Variants in CDH20 observed in about 807,000 individuals in gnomAD.
CDH20 encodes the protein cadherin 20.
CDH20 carries 29 observed loss-of-function variants against 74.2 expected under a neutral mutation model. That is an observed-to-expected ratio of 0.39 (90% confidence interval 0.29 to 0.53). The LOEUF (loss-of-function observed/expected upper bound fraction) is 0.53. CDH20 is among the 20% of genes least tolerant of loss of function. CDH20 has a pLI of 0.69. For missense variants in CDH20, 988 were observed against 1,048.3 expected, an observed-to-expected ratio of 0.94 and a Z score of 0.79; for synonymous variants, 469 against 405.4, an observed-to-expected ratio of 1.16 and a Z score of -1.88.
intron 1 of CDH20, among the ~76,000 whole-genome samples, chr18:61,350,686 C>T (rs1198668221): frequency 6.6e-6 from 1 of 152,182 alleles, no homozygotes; most frequent in Non-Finnish European, 1.5e-5. Context: ...TTCTTGCTCA[C>T]CTCATAGTTC....
chr18:61,414,999 G>A (rs1221869228), intron 1 of CDH20, among the ~76,000 whole-genome samples: 1 of 151,970 alleles, frequency 6.6e-6, no homozygotes. Context: ...AATTCTAAAT[G>A]CAGGAAAAAT....
intron 1 of CDH20, among the ~76,000 whole-genome samples, chr18:61,391,026 T>C (rs1285570758): frequency 6.6e-6 from 1 of 152,050 alleles, no homozygotes; most frequent in Non-Finnish European, 1.5e-5. Flanking sequence ...CAAAGTAGAA[T>C]AGGAAACCCT....
chr18:61,446,557 CT>C (rs540670974), intron 1 of CDH20, among the ~76,000 whole-genome samples: 1 of 152,284 alleles, frequency 6.6e-6, no homozygotes, highest in South Asian at 2.1e-4. Context: ...ATTATCTACT[CT>C]CTTTTTCATC....
intron 1 of CDH20, among the ~76,000 whole-genome samples, chr18:61,390,691 G>A (rs1016753005): frequency 5.9e-5 from 9 of 151,984 alleles, no homozygotes; most frequent in Non-Finnish European, 8.8e-5. Context: ...TTGGGGATTT[G>A]GTAAATAAAA....
At chr18:61,396,579 A>G (rs1382395606) in intron 1 of CDH20, among the ~76,000 whole-genome samples, 3 of 152,212 alleles carry the variant, frequency 2.0e-5, no homozygotes, top group East Asian at 1.9e-4. Flanking sequence ...TGTTGCCTCC[A>G]GATGACTTGG....
intron 1 of CDH20, among the ~76,000 whole-genome samples, chr18:61,340,393 G>C (rs1257249732): frequency 1.3e-5 from 2 of 151,844 alleles, no homozygotes; most frequent in African/African-American, 4.8e-5. Context: ...TCCCAGAGAG[G>C]GTTGTTTACT....
chr18:61,451,095 G>A (rs1909370499), intron 1 of CDH20, among the ~76,000 whole-genome samples: 1 of 151,678 alleles, frequency 6.6e-6, no homozygotes, highest in Admixed American at 6.6e-5. Flanking sequence ...TTGCCTTTCA[G>A]AAAGGCAACT....
At chr18:61,484,773 A>T (rs1275107161) in intron 1 of CDH20, among the ~76,000 whole-genome samples, 1 of 135,210 alleles carries the variant, frequency 7.4e-6, no homozygotes, top group Non-Finnish European at 1.6e-5. Context: ...ACACACACAC[A>T]CACACACACA....
At chr18:61,376,246 C>T (rs1415263558) in intron 1 of CDH20, among the ~76,000 whole-genome samples, 1 of 151,970 alleles carries the variant, frequency 6.6e-6, no homozygotes, top group Non-Finnish European at 1.5e-5. Context: ...TTCTACAAAC[C>T]AACAAATCCC....
At chr18:61,456,728 A>G (rs1235430908) in intron 1 of CDH20, among the ~76,000 whole-genome samples, 1 of 152,184 alleles carries the variant, frequency 6.6e-6, no homozygotes, top group Non-Finnish European at 1.5e-5. Context: ...CTAACAGAAT[A>G]CCATAGATTA....
chr18:61,439,212 T>C (rs560598344), intron 1 of CDH20, among the ~76,000 whole-genome samples: 1 of 152,212 alleles, frequency 6.6e-6, no homozygotes, highest in East Asian at 1.9e-4. Context: ...ACGCAATATA[T>C]CCCTGTAAGA....
chr18:61,368,663 C>T (rs1284678136), intron 1 of CDH20, among the ~76,000 whole-genome samples: 1 of 151,648 alleles, frequency 6.6e-6, no homozygotes, highest in African/African-American at 2.4e-5. Context: ...CATACCTTAT[C>T]TCCCATTAAA....
chr18:61,422,620 A>G (rs1382346866), intron 1 of CDH20, among the ~76,000 whole-genome samples: 2 of 152,042 alleles, frequency 1.3e-5, no homozygotes, highest in East Asian at 3.8e-4. Flanking sequence ...AAGTATTTTT[A>G]CTCAGCATGG....
intron 1 of CDH20, among the ~76,000 whole-genome samples, chr18:61,396,571 T>C (rs1297304749): frequency 6.6e-6 from 1 of 152,216 alleles, no homozygotes; most frequent in Non-Finnish European, 1.5e-5. Flanking sequence ...GTTACACATG[T>C]TGCCTCCAGA....
At chr18:61,440,691 G>A (rs34014934) in intron 1 of CDH20, among the ~76,000 whole-genome samples, 38,524 of 152,032 alleles carry the variant, frequency 0.25, 5,408 homozygotes, top group Non-Finnish European at 0.32. Context: ...CTGGGAGCTT[G>A]CCTGGGGCAA....
At chr18:61,427,563 C>T (rs150712007) in intron 1 of CDH20, among the ~76,000 whole-genome samples, 4 of 152,284 alleles carry the variant, frequency 2.6e-5, no homozygotes, top group African/African-American at 9.6e-5. Flanking sequence ...TTTTCATTTC[C>T]TATCCTTCAT....
At chr18:61,364,090 C>T (rs1910784426) in intron 1 of CDH20, among the ~76,000 whole-genome samples, 1 of 152,158 alleles carries the variant, frequency 6.6e-6, no homozygotes, top group Non-Finnish European at 1.5e-5. Context: ...TTTATTATAA[C>T]TCCCTGGATT....
chr18:61,554,317 G>A lies in CDH20; in HGVS notation c.2028G>A (p.Glu676=), dbSNP rs34667496. The change falls in exon 12 of 12, where the codon GAG becomes GAA. Residue 676 remains glutamate (E), a synonymous_variant. Transcript: ENST00000262717. ...DDEGGGEEDT[E]AFDIAAMWNP... Reference sequence around the variant, plus strand: ...AGGGCGGCGGCGAGGAGGACACCGAGGCCTTCGACATCGCGGCCATGTGGA... The same window carrying A: ...AGGGCGGCGGCGAGGAGGACACCGAAGCCTTCGACATCGCGGCCATGTGGA... 0.018 allele frequency: 29,812 copies of A among 1,613,724 alleles called. 818 individuals are homozygous for A. Among genetic ancestry groups the A allele is most frequent in the African/African-American group, 0.12 (9,106 of 75,028 alleles).
chr18:61,548,090 T>C (rs941732360), intron 10 of CDH20, among the ~76,000 whole-genome samples: 3 of 152,224 alleles, frequency 2.0e-5, no homozygotes, highest in Non-Finnish European at 4.4e-5. Flanking sequence ...GTGGAATTGA[T>C]AGTATTTAGC....
Sources: allele counts gnomAD v4.1 joint callset (sites outside exome capture counted in the v4.1 genomes callset), GRCh38; gene constraint gnomAD v4.1.1; transcripts MANE v1.5; gene names NCBI Gene and HGNC (gene_info 2026-07-23, HGNC 2026-07-21).